Variants in RFC4 observed in about 807,000 individuals in gnomAD.
The protein encoded by RFC4 is A1 37 kDa subunit.
In RFC4, 38 loss-of-function variants were observed where a neutral mutation model predicts 47.6. That is an observed-to-expected ratio of 0.80 (90% CI 0.62 to 1.05). The LOEUF (loss-of-function observed/expected upper bound fraction) is 1.05. RFC4 is among the 50% of genes least tolerant of loss of function. The pLI is 0.00. For missense variants in RFC4, 489 were observed against 434.0 expected (o/e 1.13, Z -1.13); for synonymous variants, 164 against 150.0 (o/e 1.09, Z -0.68).
intron 1 of RFC4, among the ~76,000 whole-genome samples, chr3:186,805,886 T>C (rs1484254823): frequency 6.6e-6 from 1 of 152,218 alleles, no homozygotes; most frequent in African/African-American, 2.4e-5. Flanking sequence ...ATTTGGTGAA[T>C]GAATTACCAT....
Position 186,801,204 on chromosome 3 carries a change from G to T in RFC4, c.132-9C>A. On this transcript the variant is annotated splice_polypyrimidine_tract_variant and intron_variant, in intron 2 of 10. Transcript: ENST00000296273. The stretch of plus-strand genomic sequence containing the variant: ...CCACACATTTTGGGCGACTTGCGGG[G>T]TGAGAAGGAGGAAAGAGGTTATTTA... 1.2e-6 allele frequency: 2 copies of T among 1,610,224 alleles called. No individual in the cohort carries two copies. The highest frequency in any genetic ancestry group is 1.3e-5 in the African/African-American group (1 of 74,972).
At chr3:186,799,593 G>A (rs894501718) in intron 3 of RFC4, among the ~76,000 whole-genome samples, 1 of 152,068 alleles carries the variant, frequency 6.6e-6, no homozygotes, top group African/African-American at 2.4e-5. Context: ...CATGCCTGTA[G>A]TCCCAGCTAC....
At chr3:186,797,311 AC>A (rs1197883785) in intron 4 of RFC4, among the ~76,000 whole-genome samples, 4 of 152,226 alleles carry the variant, frequency 2.6e-5, no homozygotes, top group South Asian at 2.1e-4. Flanking sequence ...TAGGCTCCCC[AC>A]ACTTGAACAA....
chr3:186,790,480 G>C, intron 8 of RFC4, 74 bp from the exon 9 acceptor site: 1 of 1,022,254 alleles, frequency 9.8e-7, no homozygotes, highest in Non-Finnish European at 1.6e-6. Flanking sequence ...ACTGGCCCCC[G>C]TGCCCCCAGT....
At chr3:186,798,314 C>A (rs73886088) in intron 3 of RFC4, among the ~76,000 whole-genome samples, 2 of 152,030 alleles carry the variant, frequency 1.3e-5, no homozygotes, top group Admixed American at 6.6e-5. Context: ...GTCGACTGAT[C>A]CGTGGTGAAA....
At chr3:186,800,505 C>T (rs1722329337) in intron 3 of RFC4, among the ~76,000 whole-genome samples, 1 of 152,174 alleles carries the variant, frequency 6.6e-6, no homozygotes, top group Non-Finnish European at 1.5e-5. Context: ...GCTGTTAAAG[C>T]ACTTTGGGCA....
At position 186,796,502 on chromosome 3, in the gene RFC4, C is replaced by T. The variant is rs1162880050; in HGVS notation, c.290+1033G>A. Among the ~76,000 whole-genome samples, 11 of 151,418 alleles carry T rather than the reference C, an allele frequency of 7.3e-5. No homozygotes were observed. The highest frequency in any genetic ancestry group is 2.0e-4 in the Admixed American group (3 of 15,212). ...CAGTGGCGTCTTTTTTTTTTTGAGACGGAGTCTCGCTCTGTCACCCAGGCT... is the reference window on the plus strand; with the variant it reads ...CAGTGGCGTCTTTTTTTTTTTGAGATGGAGTCTCGCTCTGTCACCCAGGCT... On this transcript the variant is annotated intron_variant, in intron 4 of 10. Transcript: ENST00000296273. This position sits in a 1 kb window ranked among gnomAD's most constrained non-coding sequence, Gnocchi z 4.2.
intron 3 of RFC4, among the ~76,000 whole-genome samples, chr3:186,800,482 A>C (rs2108472128): frequency 6.6e-6 from 1 of 152,342 alleles, no homozygotes; most frequent in African/African-American, 2.4e-5. Context: ...ATCCCACTTC[A>C]GCACTTTACT....
chr3:186,791,942 G>T (rs1722150362), intron 7 of RFC4, 92 bp from the exon 8 acceptor site: 2 of 1,148,170 alleles, frequency 1.7e-6, no homozygotes, highest in Admixed American at 2.3e-5. Flanking sequence ...GAAAAACCCT[G>T]TTTTAGTCTA....
At position 186,794,712 on chromosome 3, in the gene RFC4, A is replaced by G. The variant is rs1330139097; in HGVS notation, c.356T>C (p.Val119Ala). 1.2e-6 allele frequency: 2 copies of G among 1,613,980 alleles called. No individual in the cohort carries two copies. The highest frequency in any genetic ancestry group is 3.3e-5 in the Admixed American group (2 of 60,000). Reference sequence around the variant, plus strand: ...AGCAAAATTTTTCACTTTCTCTCGAACTACTTGTATTCCACGTTCATCAGA... The same window carrying G: ...AGCAAAATTTTTCACTTTCTCTCGAGCTACTTGTATTCCACGTTCATCAGA... ...NASDERGIQVVREKVKNFAQL... is the reference protein window; with the variant it reads ...NASDERGIQVAREKVKNFAQL... Residue 119 changes from valine to alanine, a missense_variant, in exon 5 of 11, where the codon GTT becomes GCT. Val to Ala is a moderately conservative substitution (Grantham distance 64). Around this residue, in one of 2 missense-constraint regions of RFC4, gnomAD observed 206 missense variants for 257.8 expected, o/e 0.80. Coordinates refer to ENST00000296273, the MANE Select transcript of RFC4 (RefSeq NM_002916.5).
intron 2 of RFC4, among the ~76,000 whole-genome samples, chr3:186,802,215 G>T (rs535912088): frequency 6.6e-6 from 1 of 151,946 alleles, no homozygotes; most frequent in Non-Finnish European, 1.5e-5. Context: ...AATTAGGTGG[G>T]CGTGGTGGCA....
At chr3:186,792,463 CTAATA>C in intron 7 of RFC4, 22 bp downstream of exon 7, 1 of 1,594,112 alleles carries the variant, frequency 6.3e-7, no homozygotes, top group Non-Finnish European at 8.6e-7. Context: ...ATTAGTAACT[CTAATA>C]ATTGTAATAA....
chr3:186,789,979 T>TGA lies in RFC4; in HGVS notation c.1080_1081dup (p.Gln361LeufsTer15). 2 of 1,603,186 alleles carry TGA rather than the reference T, an allele frequency of 1.2e-6. No individual in the cohort carries two copies. The highest frequency in any genetic ancestry group is 4.5e-5 in the East Asian group (2 of 44,812). The stretch of plus-strand genomic sequence containing the variant: ...CCAGATATATTCACGTTAACAATTC[T>TGA]GAGATAACTGCTGCATCACAGTTGC... On this transcript the variant is annotated frameshift_variant, in exon 11 of 11. Transcript: ENST00000296273. LOFTEE classifies it high-confidence loss of function.
chr3:186,796,288 A>G lies in RFC4; in HGVS notation c.290+1247T>C, dbSNP rs1388488167. On this transcript the variant is annotated intron_variant, in intron 4 of 10. Transcript: ENST00000296273. The surrounding 1 kb of genome is among the most constrained non-coding windows in gnomAD (Gnocchi z 4.2). ...CTGGACTGACCTACTCTAAGTAATA[A>G]TAAACAACTGTTAAGGCTGATTCAG... 6.6e-6 allele frequency among the ~76,000 whole-genome samples: 1 copy of G among 152,262 alleles called. No homozygotes were observed.
chr3:186,799,842 G>T (rs528709853), intron 3 of RFC4, among the ~76,000 whole-genome samples: 1 of 152,002 alleles, frequency 6.6e-6, no homozygotes, highest in Non-Finnish European at 1.5e-5. Context: ...AATTAAAATG[G>T]TATATACTGT....
At chr3:186,791,433 G>T (rs1356121544) in intron 8 of RFC4, 1 of 352,044 alleles carries the variant, frequency 2.8e-6, no homozygotes, top group East Asian at 6.6e-5. Flanking sequence ...TTGCGTCACT[G>T]CACTCCAGCC....
chr3:186,801,832 T>C (rs1397147656), intron 2 of RFC4, among the ~76,000 whole-genome samples: 1 of 151,378 alleles, frequency 6.6e-6, no homozygotes, highest in Non-Finnish European at 1.5e-5. Flanking sequence ...AAGACCAGCC[T>C]GACCAACACG....
chr3:186,801,332 C>A, intron 2 of RFC4, 137 bp from the exon 3 acceptor site: 2 of 665,126 alleles, frequency 3.0e-6, no homozygotes, highest in Non-Finnish European at 5.4e-6. Flanking sequence ...TTTTCATAAT[C>A]GGAAATAGGT....
In RFC4 at chr3:186,796,952, G is replaced by A. The variant is rs1235420635; in HGVS notation, c.290+583C>T. 6.6e-6 allele frequency among the ~76,000 whole-genome samples: 1 copy of A among 152,168 alleles called. No homozygotes were observed. Among genetic ancestry groups the A allele is most frequent in the Non-Finnish European group, 1.5e-5 (1 of 68,022 alleles). ...GGGCTCCTCTAGAATGGCTGGTTAA[G>A]CCAAGATGGTCAATCTAGGAAGAGG... On this transcript the variant is annotated intron_variant, in intron 4 of 10. Coordinates refer to ENST00000296273, the MANE Select transcript of RFC4 (RefSeq NM_002916.5). The surrounding 1 kb of genome is among the most constrained non-coding windows in gnomAD (Gnocchi z 4.2).
Sources: gnomAD v4.1 joint callset for allele counts (sites outside exome capture counted in the v4.1 genomes callset) on GRCh38, gnomAD v4.1.1 for gene constraint, gnomAD v4.1.1 regional missense constraint, Gnocchi (gnomAD v3.1) non-coding constraint, MANE v1.5 for transcripts, NCBI Gene and HGNC (gene_info 2026-07-23, HGNC 2026-07-21) for gene names.